SEM1: variants seen among roughly 807,000 people sequenced by gnomAD.
SEM1 encodes 26S proteasome complex subunit SEM1.
A neutral mutation model predicts 12.7 loss-of-function variants in SEM1; 3 were observed. The observed-to-expected ratio is 0.24, with a 90% CI of 0.11 to 0.61. SEM1 has a LOEUF of 0.61. Ranked by LOEUF, SEM1 falls within the 20% of genes least tolerant of loss-of-function variation. The probability of loss-of-function intolerance (pLI) is 0.88; values close to 1 mark genes in which losing one functional copy is unlikely to be tolerated. For missense variants in SEM1, 59 were observed against 81.3 expected (o/e 0.73, Z 1.06); for synonymous variants, 30 against 27.8 (o/e 1.08, Z -0.25).
In SEM1 at chr7:96,689,443, T is replaced by C. The variant is rs188709897; in HGVS notation, c.171-477A>G. The stretch of plus-strand genomic sequence containing the variant: ...AAGAATAAACAGATTGCTTTCCATA[T>C]TGACATATATGTATTGCTCTAACCT... On this transcript the variant is annotated intron_variant, in intron 2 of 2. Coordinates refer to ENST00000248566, the MANE Select transcript of SEM1 (RefSeq NM_006304.2). Among the ~76,000 whole-genome samples the C allele has an allele frequency of 3.9e-4, 59 of 152,358 alleles. 1 individual carries two copies. Among genetic ancestry groups the C allele is most frequent in the Non-Finnish European group, 5.7e-4 (39 of 68,024 alleles).
intron 1 of SEM1, among the ~76,000 whole-genome samples, chr7:96,702,096 G>A (rs926275420): frequency 6.6e-6 from 1 of 152,064 alleles, no homozygotes; most frequent in Non-Finnish European, 1.5e-5. Context: ...TAGGAAGGGG[G>A]ATGACCAAAT....
chr7:96,571,651 A>G (rs7782072), intron 2 of SEM1, among the ~76,000 whole-genome samples: 1 of 151,716 alleles, frequency 6.6e-6, no homozygotes, highest in African/African-American at 2.4e-5. Context: ...AGCCAACCTA[A>G]TCATGCTGGA....
intron 2 of SEM1, among the ~76,000 whole-genome samples, chr7:96,523,384 C>G (rs930860029): frequency 1.3e-5 from 2 of 151,890 alleles, no homozygotes; most frequent in African/African-American, 2.4e-5. Context: ...GAGTAAGAGG[C>G]GGGGCTTAGA....
In SEM1 at chr7:96,537,134, A is replaced by G. The variant is rs1804809339; in HGVS notation, c.171-30436T>C. ...AAACATTTTTAACTAATATAAGTCT[A>G]CTTACTTTCAAATCACACCACCACT... On this transcript the variant is annotated intron_variant and NMD_transcript_variant, in intron 2 of 3. Transcript: ENST00000466986. Among the ~76,000 whole-genome samples, 2 of 151,782 alleles carry G rather than the reference A, an allele frequency of 1.3e-5. 1 individual carries two copies. The highest frequency in any genetic ancestry group is 2.9e-5 in the Non-Finnish European group (2 of 67,820).
At chr7:96,546,098 G>T (rs1236015581) in intron 2 of SEM1, among the ~76,000 whole-genome samples, 2 of 152,008 alleles carry the variant, frequency 1.3e-5, no homozygotes, top group African/African-American at 2.4e-5. Flanking sequence ...TTGGAGAGGG[G>T]GTTGCTTCTT....
intron 2 of SEM1, among the ~76,000 whole-genome samples, chr7:96,528,037 G>A (rs539248483): frequency 9.0e-4 from 137 of 152,156 alleles, no homozygotes; most frequent in African/African-American, 3.1e-3. Context: ...TGTAAAACTC[G>A]TATTCCCAGG....
downstream of SEM1, chr7:96,621,548 A>G (rs1360943413): frequency 6.6e-6 from 1 of 152,170 alleles, no homozygotes; most frequent in Non-Finnish European, 1.5e-5. Flanking sequence ...TGTTTCTCCA[A>G]CTTCAGGGAT....
chr7:96,497,417 G>A (rs566485832), upstream of SEM1, among the ~76,000 whole-genome samples: 7 of 152,126 alleles, frequency 4.6e-5, no homozygotes, highest in South Asian at 1.5e-3. Flanking sequence ...AATATTTTCA[G>A]AAGTGGAAAA....
intron 3 of SEM1, among the ~76,000 whole-genome samples, chr7:96,505,183 A>T (rs963720447): frequency 6.6e-6 from 1 of 151,828 alleles, no homozygotes; most frequent in Non-Finnish European, 1.5e-5. Context: ...GCTCACTGCA[A>T]CCTCGCCTCC....
At chr7:96,600,210 A>G (rs1387024947) in intron 2 of SEM1, among the ~76,000 whole-genome samples, 1 of 152,212 alleles carries the variant, frequency 6.6e-6, no homozygotes, top group Non-Finnish European at 1.5e-5. Flanking sequence ...CAAGTCTCTG[A>G]AAAGGTTAAT....
At chr7:96,515,635 A>G (rs1227003290) in intron 2 of SEM1, among the ~76,000 whole-genome samples, 1 of 152,226 alleles carries the variant, frequency 6.6e-6, no homozygotes, top group Non-Finnish European at 1.5e-5. Context: ...CTAAATGTCC[A>G]TCAATGATAG....
chr7:96,544,376 A>G (rs1245218959), intron 2 of SEM1, among the ~76,000 whole-genome samples: 2 of 151,976 alleles, frequency 1.3e-5, no homozygotes. Flanking sequence ...TGCTTTTTTA[A>G]ATAGGATTTT....
intron 2 of SEM1, among the ~76,000 whole-genome samples, chr7:96,511,102 A>G (rs1803920996): frequency 6.6e-6 from 1 of 152,090 alleles, no homozygotes; most frequent in Non-Finnish European, 1.5e-5. Flanking sequence ...GACTCTAATC[A>G]CTGCCTGAGA....
chr7:96,681,324 T>C (rs1789605297), intron 2 of SEM1, among the ~76,000 whole-genome samples: 1 of 152,044 alleles, frequency 6.6e-6, no homozygotes, highest in South Asian at 2.1e-4. Context: ...CTAGAATAGA[T>C]TATAGGGCAG....
chr7:96,698,149 CATT>C (rs1428541279), intron 1 of SEM1, among the ~76,000 whole-genome samples: 13 of 152,088 alleles, frequency 8.5e-5, no homozygotes, highest in African/African-American at 3.1e-4. Flanking sequence ...ACTATTCTTA[CATT>C]TTTTAAAAAG....
intron 2 of SEM1, among the ~76,000 whole-genome samples, chr7:96,591,429 A>G (rs1266874391): frequency 6.6e-6 from 1 of 152,222 alleles, no homozygotes; most frequent in African/African-American, 2.4e-5. Context: ...TAACAGAGTT[A>G]AAAACACTTC....
downstream of SEM1, among the ~76,000 whole-genome samples, chr7:96,620,484 G>T (rs1807857739): frequency 6.6e-6 from 1 of 152,186 alleles, no homozygotes; most frequent in Non-Finnish European, 1.5e-5. Context: ...TCTCTGAGCA[G>T]TCTTTAGGCA....
At chr7:96,620,543 T>C (rs1169821484), downstream of SEM1, among the ~76,000 whole-genome samples, 1 of 152,164 alleles carries the variant, frequency 6.6e-6, no homozygotes, top group Non-Finnish European at 1.5e-5. Flanking sequence ...GATTCTCTTG[T>C]AGCCAAGATT....
intron 2 of SEM1, among the ~76,000 whole-genome samples, chr7:96,638,598 C>T (rs1370215679): frequency 6.6e-6 from 1 of 151,816 alleles, no homozygotes; most frequent in Non-Finnish European, 1.5e-5. Context: ...TATCTAGTAA[C>T]ATAATTACAA....
Sources: gnomAD v4.1 joint callset for allele counts (sites outside exome capture counted in the v4.1 genomes callset) on GRCh38, gnomAD v4.1.1 for gene constraint, MANE v1.5 for transcripts, NCBI Gene and HGNC (gene_info 2026-07-23, HGNC 2026-07-21) for gene names.